The following EGR2 variants were observed in gnomAD, a reference collection of about 807,000 sequenced individuals.
EGR2 encodes the protein early growth response 2.
A neutral mutation model predicts 21.2 loss-of-function variants in EGR2; 2 were observed. The ratio of observed to expected loss-of-function variants is 0.09; its 90% CI spans 0.04 to 0.30. The LOEUF is 0.30. EGR2 is among the 10% of genes least tolerant of loss of function. The pLI is 1.00. For synonymous variants in EGR2, 282 were observed against 258.2 expected, an observed-to-expected ratio of 1.09 and a Z score of -0.88; for missense variants, 458 against 630.2, an observed-to-expected ratio of 0.73 and a Z score of 2.93.
At chr10:62,815,554 G>A (rs1020299520) in intron 1 of EGR2, among the ~76,000 whole-genome samples, 13 of 152,206 alleles carry the variant, frequency 8.5e-5, no homozygotes, top group Non-Finnish European at 2.9e-5. Flanking sequence ...CTGCCGGCCA[G>A]AGGGCCTACG....
chr10:62,816,427 C>A (rs1842272086), upstream of EGR2: 2 of 1,151,120 alleles, frequency 1.7e-6, no homozygotes, highest in Non-Finnish European at 2.2e-6. Flanking sequence ...GACGTCGCTG[C>A]CCATATATGG....
At chr10:62,818,893 G>A (rs1564710737), upstream of EGR2, among the ~76,000 whole-genome samples, 1 of 152,084 alleles carries the variant, frequency 6.6e-6, no homozygotes, top group African/African-American at 2.4e-5. Flanking sequence ...GCGCCACCCC[G>A]AGGGGGAGCT....
In EGR2 at chr10:62,816,127, T is replaced by G. The variant is rs576814942; in HGVS notation, c.-98A>C. The G allele has an allele frequency of 9.3e-6, 15 of 1,609,840 alleles. No individual in the cohort carries two copies. Among genetic ancestry groups the G allele is most frequent in the Non-Finnish European group, 1.3e-5 (15 of 1,178,976 alleles). ...GTTGGACTGAGCCTGGGATGGTATC[T>G]CCTTTTGCCCTCCACACTTAAAAAC... On this transcript the variant is annotated 5_prime_UTR_variant, in exon 1 of 2. Transcript: ENST00000242480.
chr10:62,816,521 G>C (rs910973952), upstream of EGR2, among the ~76,000 whole-genome samples: 1 of 152,102 alleles, frequency 6.6e-6, no homozygotes, highest in Non-Finnish European at 1.5e-5. Context: ...GGACTCCGCC[G>C]GGCTCGCGAC....
At chr10:62,818,841 C>A (rs1479474113), upstream of EGR2, among the ~76,000 whole-genome samples, 1 of 152,054 alleles carries the variant, frequency 6.6e-6, no homozygotes, top group Non-Finnish European at 1.5e-5. Context: ...CCCGGGCCGC[C>A]CCGCGACTGG....
At position 62,812,267 on chromosome 10, in the gene EGR2, T is replaced by G. The variant is rs1352292453; in HGVS notation, c.*940A>C. ...GCAGAAATATACAGCCATACTAAAC[T>G]CAGGGAGTGATTTTTTTTCTCCATA... On this transcript the variant is annotated 3_prime_UTR_variant, in exon 2 of 2. Transcript: ENST00000242480. The G allele has an allele frequency of 7.8e-5, 2 of 25,768 alleles. No individual in the cohort carries two copies. The highest frequency in any genetic ancestry group is 1.5e-4 in the Non-Finnish European group (2 of 12,958). The allele number at this position is 25,768 out of a possible 1,614,324, so 1.6% of individuals were successfully genotyped here.
chr10:62,814,809 C>T lies in EGR2; in HGVS notation c.170-341G>A, dbSNP rs563538574. ...AATATTTTAAAAAGCCTCATCCGCC[C>T]GGAGCTTTTCTCCCTCTTTTTTGCC... is the stretch of plus-strand genomic sequence containing the variant. On this transcript the variant is annotated intron_variant, in intron 1 of 1. Transcript: ENST00000242480. The surrounding 1 kb of genome is among the most constrained non-coding windows in gnomAD (Gnocchi z 4.8). Among the ~76,000 whole-genome samples the T allele has an allele frequency of 6.6e-6, 1 of 152,336 alleles. No homozygotes were observed. The highest frequency in any genetic ancestry group is 2.4e-5 in the African/African-American group (1 of 41,564).
upstream of EGR2, chr10:62,816,414 C>G: frequency 8.5e-7 from 1 of 1,174,124 alleles, no homozygotes; most frequent in Non-Finnish European, 1.1e-6. Flanking sequence ...CTTCAATACC[C>G]GTGACGTCGC....
Position 62,813,620 on chromosome 10 carries a change from A to G in EGR2, c.1018T>C (p.Tyr340His). ...TCGCAGCCTTCTGCTGGGCACGGGTAGGGCCTCTCGTGCACCGGCGTCTTG... is the reference window on the plus strand; with the variant it reads ...TCGCAGCCTTCTGCTGGGCACGGGTGGGGCCTCTCGTGCACCGGCGTCTTG... Reference protein sequence around the residue: ...PSKTPVHERPYPCPAEGCDRR... With the variant: ...PSKTPVHERPHPCPAEGCDRR... Residue 340 changes from tyrosine (Y) to histidine (H), a missense_variant, in exon 2 of 2, where the codon TAC (tyrosine) becomes CAC (histidine). Tyr to His is a moderately conservative substitution (Grantham distance 83, BLOSUM62 2). Around this residue, in one of 5 missense-constraint regions of EGR2, gnomAD observed 253 missense variants for 315.5 expected, o/e 0.80. Coordinates refer to ENST00000242480, the MANE Select transcript of EGR2 (RefSeq NM_000399.5). The surrounding 1 kb of genome is among the most constrained non-coding windows in gnomAD (Gnocchi z 5.7). 6.2e-7 allele frequency: 1 copy of G among 1,613,036 alleles called. No individual in the cohort carries two copies. The highest frequency in any genetic ancestry group is 8.5e-7 in the Non-Finnish European group (1 of 1,180,028).
chr10:62,815,579 C>T (rs1842244190), intron 1 of EGR2, among the ~76,000 whole-genome samples: 3 of 152,214 alleles, frequency 2.0e-5, no homozygotes, highest in African/African-American at 7.2e-5. Context: ...CCTCGAAACC[C>T]GGGGGGACGC....
Position 62,812,140 on chromosome 10 carries a change from G to T in EGR2, c.*1067C>A, listed in dbSNP as rs543128534. The T allele has an allele frequency of 6.5e-6, 1 of 152,676 alleles. No individual in the cohort carries two copies. Among genetic ancestry groups the T allele is most frequent in the African/African-American group, 2.4e-5 (1 of 41,416 alleles). 9.5% of individuals were successfully genotyped at this position (152,676 alleles called of 1,614,324 possible). ...AACAAATCAGCTCCGGTAACATTAT[G>T]TACATTCTTATCTGAAATTTGACTA... On this transcript the variant is annotated 3_prime_UTR_variant, in exon 2 of 2. Transcript: ENST00000242480.
intron 1 of EGR2, 107 bp downstream of exon 1, chr10:62,815,754 G>T (rs749283183): frequency 1.4e-6 from 2 of 1,391,636 alleles, no homozygotes; most frequent in South Asian, 1.2e-5. Context: ...AGTCAGCACC[G>T]TCCACCTGGA....
chr10:62,813,703 G>A lies in EGR2; in HGVS notation c.935C>T (p.Pro312Leu). 3 of 1,613,106 alleles carry A rather than the reference G, an allele frequency of 1.9e-6. No homozygotes were observed. The highest frequency in any genetic ancestry group is 2.5e-6 in the Non-Finnish European group (3 of 1,179,922). ...AAAAAAAAYN[P>L]HHLPLRPILR... ...AATGGGCCGCAGTGGCAGGTGGTGTGGGTTATAGGCGGCGGCGGCGGCGGC... is the reference window on the plus strand; with the variant it reads ...AATGGGCCGCAGTGGCAGGTGGTGTAGGTTATAGGCGGCGGCGGCGGCGGC... The change falls in exon 2 of 2, where the codon CCA becomes CTA. Residue 312 changes from proline (P) to leucine (L), a missense_variant. This residue lies in a region of EGR2 where 253 missense variants were observed against 315.5 expected (regional missense o/e 0.80). Coordinates refer to ENST00000242480, the MANE Select transcript of EGR2 (RefSeq NM_000399.5). This position sits in a 1 kb window ranked among gnomAD's most constrained non-coding sequence, Gnocchi z 5.7.
chr10:62,818,767 G>A (rs1198837015), upstream of EGR2: 1 of 260,184 alleles, frequency 3.8e-6, no homozygotes, highest in South Asian at 5.0e-5. Flanking sequence ...AAGCGCGGGC[G>A]AGGCGACTGC....
chr10:62,814,598 A>G lies in EGR2; in HGVS notation c.170-130T>C. ...GCACTGTAGAGCTGTGGCAAAGTCC[A>G]AAAGGTGGGGAAATTGAGGCCCACA... is the stretch of plus-strand genomic sequence containing the variant. On this transcript the variant is annotated intron_variant, in intron 1 of 1. Coordinates refer to ENST00000242480, the MANE Select transcript of EGR2 (RefSeq NM_000399.5). This position sits in a 1 kb window ranked among gnomAD's most constrained non-coding sequence, Gnocchi z 4.8. 2 of 920,524 alleles carry G rather than the reference A, an allele frequency of 2.2e-6. No individual in the cohort carries two copies. The highest frequency in any genetic ancestry group is 3.5e-6 in the Non-Finnish European group (2 of 579,542). The allele number at this position is 920,524 out of a possible 1,614,324, so 57.0% of individuals were successfully genotyped here.
chr10:62,818,421 G>C, upstream of EGR2: 1 of 321,004 alleles, frequency 3.1e-6, no homozygotes, highest in South Asian at 5.1e-5. Flanking sequence ...GACATGGAAA[G>C]AAATCGCAGC....
Position 62,815,951 on chromosome 10 carries a change from G to C in EGR2, c.79C>G (p.Pro27Ala), listed in dbSNP as rs1191305771. ...FVHQLSDNIY[P>A]VEDLAATSVT... is the part of the protein sequence containing the mutation. ...GACGTGGCGGCGAGGTCCTCCACCG[G>C]GTAGATGTTGTCAGACAGCTGGTGC... The change falls in exon 1 of 2, where the codon CCG becomes GCG. Residue 27 changes from proline to alanine, a missense_variant. Physicochemically the swap from Pro to Ala is conservative, Grantham distance 27. This residue lies in a region of EGR2 where 91 missense variants were observed against 105.2 expected (regional missense o/e 0.87). Coordinates refer to ENST00000242480, the MANE Select transcript of EGR2 (RefSeq NM_000399.5). 1 of 1,614,190 alleles carries C rather than the reference G, an allele frequency of 6.2e-7. No homozygotes were observed. The highest frequency in any genetic ancestry group is 8.5e-7 in the Non-Finnish European group (1 of 1,180,022).
At chr10:62,816,485 A>G (rs1842273251), upstream of EGR2, 31 of 617,354 alleles carry the variant, frequency 5.0e-5, no homozygotes, top group Non-Finnish European at 6.3e-5. Context: ...CACATGGCTG[A>G]TTTGCATACA....
In EGR2 at chr10:62,816,186, A is replaced by G; in HGVS notation, c.-157T>C. ...CACACACCAAGAAAAAAAAATCAACAGAAATAAAAGTAGCAAACAAGTTGC... is the reference window on the plus strand; with the variant it reads ...CACACACCAAGAAAAAAAAATCAACGGAAATAAAAGTAGCAAACAAGTTGC... On this transcript the variant is annotated 5_prime_UTR_variant, in exon 1 of 2. Coordinates refer to ENST00000242480, the MANE Select transcript of EGR2 (RefSeq NM_000399.5). The G allele has an allele frequency of 6.5e-7, 1 of 1,527,758 alleles. No individual in the cohort carries two copies. The allele number at this position is 1,527,758 out of a possible 1,614,324, so 94.6% of individuals were successfully genotyped here.
Sources: gnomAD v4.1 joint callset for allele counts (sites outside exome capture counted in the v4.1 genomes callset) on GRCh38, gnomAD v4.1.1 for gene constraint, gnomAD v4.1.1 regional missense constraint, Gnocchi (gnomAD v3.1) non-coding constraint, MANE v1.5 for transcripts, NCBI Gene and HGNC (gene_info 2026-07-23, HGNC 2026-07-21) for gene names.